PHF12: variants seen among roughly 807,000 people sequenced by gnomAD.
The protein encoded by PHF12 is PHD factor 1.
Under a neutral mutation model 99.8 loss-of-function variants are expected in PHF12, and 6 were observed. The ratio of observed to expected loss-of-function variants is 0.06; its 90% CI spans 0.03 to 0.12. The LOEUF (loss-of-function observed/expected upper bound fraction) is 0.12, where lower values mean the gene tolerates loss of function less well. Ranked by LOEUF, PHF12 falls within the 10% of genes least tolerant of loss-of-function variation. PHF12 has a pLI of 1.00. For synonymous variants in PHF12, 480 were observed against 514.9 expected (o/e 0.93, Z 0.92); for missense variants, 954 against 1,300.1 (o/e 0.73, Z 4.09).
intron 8 of PHF12, among the ~76,000 whole-genome samples, chr17:28,913,616 A>T (rs2040008647): frequency 6.6e-6 from 1 of 152,182 alleles, no homozygotes; most frequent in African/African-American, 2.4e-5. Context: ...GGGTCTACTC[A>T]TCTCTTTCTA....
intron 2 of PHF12, among the ~76,000 whole-genome samples, chr17:28,929,244 T>A (rs1315678391): frequency 6.7e-6 from 1 of 149,148 alleles, no homozygotes; most frequent in African/African-American, 2.5e-5. Flanking sequence ...AAAAAAAAAA[T>A]TGAGTATTTT....
intron 7 of PHF12, among the ~76,000 whole-genome samples, chr17:28,916,207 T>C (rs2152660997): frequency 6.6e-6 from 1 of 152,326 alleles, no homozygotes; most frequent in Non-Finnish European, 1.5e-5. Flanking sequence ...CTGACCTTTT[T>C]TTTTGAGACA....
chr17:28,922,498 C>T (rs1426562081), intron 4 of PHF12, among the ~76,000 whole-genome samples: 1 of 151,896 alleles, frequency 6.6e-6, no homozygotes, highest in East Asian at 1.9e-4. Context: ...AGAAGCTTTA[C>T]AGTATCAAGA....
chr17:28,925,085 A>T (rs2040243771), intron 3 of PHF12: 1 of 152,316 alleles, frequency 6.6e-6, no homozygotes, highest in Non-Finnish European at 1.5e-5. Context: ...GATTAAGTGT[A>T]CTCAGTAGGA....
chr17:28,934,610 ATTTTTTT>A (rs561144385), intron 2 of PHF12, among the ~76,000 whole-genome samples: 3 of 126,516 alleles, frequency 2.4e-5, no homozygotes, highest in Admixed American at 7.9e-5. Flanking sequence ...TTTCTTTTCT[ATTTTTTT>A]TTTTTTTTTT....
Position 28,919,264 on chromosome 17 carries a change from A to G in PHF12, c.848T>C (p.Val283Ala), listed in dbSNP as rs200999056. ...ATAGTCACACTGGATGAGAGGAGCC[A>G]CACGGCAACTCCTGCAAAAAAGAGA... ...VCFTCNRSCRVAPLIQCDYCP... is the reference protein window; with the variant it reads ...VCFTCNRSCRAAPLIQCDYCP... The change falls in exon 6 of 15, where the codon GTG (valine) becomes GCG (alanine). Residue 283 changes from valine to alanine, a missense_variant. Val to Ala is a moderately conservative substitution (Grantham distance 64). Around this residue, in one of 8 missense-constraint regions of PHF12, gnomAD observed 85 missense variants for 196.6 expected, o/e 0.43. Coordinates refer to ENST00000332830, the MANE Select transcript of PHF12 (RefSeq NM_001033561.2). 3 of 1,613,744 alleles carry G rather than the reference A, an allele frequency of 1.9e-6. No homozygotes were observed. The highest frequency in any genetic ancestry group is 2.5e-6 in the Non-Finnish European group (3 of 1,179,808).
At chr17:28,930,546 G>A (rs143058161) in intron 2 of PHF12, among the ~76,000 whole-genome samples, 2 of 152,156 alleles carry the variant, frequency 1.3e-5, no homozygotes, top group Admixed American at 6.5e-5. Context: ...AATTACTTAT[G>A]TTTTCTAAGT....
rs9904649 is a variant in PHF12, at chr17:28,909,839, C to T, written c.2359+387G>A. 557 of 559,844 alleles carry T rather than the reference C, an allele frequency of 9.9e-4. 2 individuals carry two copies. The highest frequency in any genetic ancestry group is 9.6e-3 in the African/African-American group (510 of 53,188). 34.7% of individuals were successfully genotyped at this position (559,844 alleles called of 1,614,324 possible). ...CTCCTGGGCTCAAGTGATCCTCCCG[C>T]CTCAGCCTCCCAAAGTGCTGGGATT... On this transcript the variant is annotated intron_variant, in intron 11 of 14. Coordinates refer to ENST00000332830, the MANE Select transcript of PHF12 (RefSeq NM_001033561.2).
chr17:28,940,292 T>C (rs2040590376), intron 2 of PHF12, among the ~76,000 whole-genome samples: 1 of 152,220 alleles, frequency 6.6e-6, no homozygotes, highest in Non-Finnish European at 1.5e-5. Flanking sequence ...TACACGGCAG[T>C]GAGAAGAGGA....
intron 9 of PHF12, chr17:28,912,256 C>A (rs527484646): frequency 9.3e-5 from 124 of 1,327,846 alleles, no homozygotes; most frequent in Admixed American, 5.1e-4. Flanking sequence ...CTCAGTAGGT[C>A]ATTTTAAGGA....
chr17:28,927,086 A>G (rs369249544), intron 2 of PHF12, 23 bp from the exon 3 acceptor site: 188 of 1,601,310 alleles, frequency 1.2e-4, no homozygotes, highest in Non-Finnish European at 1.5e-4. Flanking sequence ...GACAAGGGCA[A>G]GACTAAATAA....
In PHF12 at chr17:28,950,028, T is replaced by G; in HGVS notation, c.248+37A>C. ...GGGTGAAGGAATGCGCAGAGAAGGG[T>G]CCGCCAAGAAGCTCCAAAAGGGTCC... is the stretch of plus-strand genomic sequence containing the variant. On this transcript the variant is annotated intron_variant, in intron 2 of 14. Coordinates refer to ENST00000332830, the MANE Select transcript of PHF12 (RefSeq NM_001033561.2). The surrounding 1 kb of genome is among the most constrained non-coding windows in gnomAD (Gnocchi z 5.7). The G allele has an allele frequency of 6.5e-7, 1 of 1,528,510 alleles. No individual in the cohort carries two copies. Among genetic ancestry groups the G allele is most frequent in the East Asian group, 2.5e-5 (1 of 40,524 alleles). 94.7% of individuals were successfully genotyped at this position (1,528,510 alleles called of 1,614,324 possible). A position where few individuals can be genotyped will look rare whatever the true frequency, so the allele number is the denominator to read the frequency against.
In PHF12 at chr17:28,951,337, TGA is replaced by T. The variant is rs2040809831; in HGVS notation, c.-379_-378del. The T allele has an allele frequency of 3.0e-6, 3 of 1,014,018 alleles. No homozygotes were observed. The African/African-American group carries it at 5.9e-5, about 20-fold the overall frequency. The allele number at this position is 1,014,018 out of a possible 1,614,324, so 62.8% of individuals were successfully genotyped here. On this transcript the variant is annotated 5_prime_UTR_variant, in exon 1 of 15. Coordinates refer to ENST00000332830, the MANE Select transcript of PHF12 (RefSeq NM_001033561.2). ...GGGGCTGGGGGTATCGGAGGGGGGG[TGA>T]GAGGTTACGTGAGGTTGTGGTACGT...
rs1598168967 is a variant in PHF12, at chr17:28,949,854, C to G, written c.248+211G>C. 1.8e-6 allele frequency: 1 copy of G among 568,202 alleles called. No homozygotes were observed. The highest frequency in any genetic ancestry group is 3.1e-6 in the Non-Finnish European group (1 of 324,858). The allele number at this position is 568,202 out of a possible 1,614,324, so 35.2% of individuals were successfully genotyped here. A position where few individuals can be genotyped will look rare whatever the true frequency, so the allele number is the denominator to read the frequency against. ...TTCTCTTCACTCGTCCCAACCCCCA[C>G]CTCGGGGTCCGGACCCACCGCTGCT... On this transcript the variant is annotated intron_variant, in intron 2 of 14. Coordinates refer to ENST00000332830, the MANE Select transcript of PHF12 (RefSeq NM_001033561.2). This position sits in a 1 kb window ranked among gnomAD's most constrained non-coding sequence, Gnocchi z 4.6.
At chr17:28,935,474 G>A (rs185908397) in intron 2 of PHF12, among the ~76,000 whole-genome samples, 1 of 151,880 alleles carries the variant, frequency 6.6e-6, no homozygotes, top group East Asian at 1.9e-4. Flanking sequence ...GTTTCACCAC[G>A]TTGGCCAGGC....
At chr17:28,923,582 T>G (rs546375727) in intron 4 of PHF12, among the ~76,000 whole-genome samples, 9 of 128,890 alleles carry the variant, frequency 7.0e-5, no homozygotes, top group African/African-American at 2.7e-4. Context: ...CGCCTGAACC[T>G]GGGAGGCGGA....
chr17:28,941,037 G>C (rs988603709), intron 2 of PHF12, among the ~76,000 whole-genome samples: 2 of 138,400 alleles, frequency 1.4e-5, no homozygotes, highest in African/African-American at 5.8e-5. Flanking sequence ...GGGGAAAACA[G>C]ACTTTTTTTT....
chr17:28,951,311 C>G lies in PHF12; in HGVS notation c.-351G>C. The G allele has an allele frequency of 1.8e-6, 2 of 1,088,256 alleles. No individual in the cohort carries two copies. Among genetic ancestry groups the G allele is most frequent in the Non-Finnish European group, 2.2e-6 (2 of 893,458 alleles). 67.4% of individuals were successfully genotyped at this position (1,088,256 alleles called of 1,614,324 possible). ...GGAAGGCTGGCGGGCGCTGCCATCC[C>G]GGGGCTGGGGGTATCGGAGGGGGGG... On this transcript the variant is annotated 5_prime_UTR_variant, in exon 1 of 15. Coordinates refer to ENST00000332830, the MANE Select transcript of PHF12 (RefSeq NM_001033561.2).
At position 28,913,010 on chromosome 17, in the gene PHF12, C is replaced by T. The variant is rs751874937; in HGVS notation, c.1561G>A (p.Gly521Ser). The change falls in exon 9 of 15, where the codon GGC (glycine) becomes AGC (serine). Residue 521 changes from glycine to serine, a missense_variant. By Grantham distance (56) the Gly-to-Ser change is moderately conservative (BLOSUM62 0). Around this residue, in one of 8 missense-constraint regions of PHF12, gnomAD observed 392 missense variants for 423.1 expected, o/e 0.93. Transcript: ENST00000332830. ...PHQSPALEDIGCSSCAEKSKK... is the reference protein window; with the variant it reads ...PHQSPALEDISCSSCAEKSKK... ...GATTTTTCCGCACAAGAACTGCAGC[C>T]GATGTCCTCTAGGGCTGGGGACTGG... is the stretch of plus-strand genomic sequence containing the variant. The T allele has an allele frequency of 2.5e-6, 4 of 1,614,166 alleles. No homozygotes were observed. The highest frequency in any genetic ancestry group is 2.2e-5 in the East Asian group (1 of 44,874).
Sources: allele counts gnomAD v4.1 joint callset (sites outside exome capture counted in the v4.1 genomes callset), GRCh38; gene constraint gnomAD v4.1.1; regional missense constraint gnomAD v4.1.1; non-coding constraint Gnocchi (gnomAD v3.1); transcripts MANE v1.5; gene names NCBI Gene and HGNC (gene_info 2026-07-23, HGNC 2026-07-21).